WDPCP: variants seen among roughly 807,000 people sequenced by gnomAD.
The protein encoded by WDPCP is WD repeat containing planar cell polarity effector.
A neutral mutation model predicts 93.1 loss-of-function variants in WDPCP; 71 were observed. That is an observed-to-expected ratio of 0.76 (90% confidence interval 0.63 to 0.93). The LOEUF (loss-of-function observed/expected upper bound fraction) is 0.93. Among genes scored for constraint, WDPCP ranks in the 40% least tolerant of loss-of-function variants. The probability of loss-of-function intolerance (pLI) is 0.00; values close to 1 mark genes in which losing one functional copy is unlikely to be tolerated. For missense variants in WDPCP, 844 were observed against 887.4 expected (o/e 0.95, Z 0.62); for synonymous variants, 315 against 315.0 (o/e 1.00, Z 0.00).
intron 6 of WDPCP, among the ~76,000 whole-genome samples, chr2:63,445,507 T>G (rs1697795891): frequency 6.6e-6 from 1 of 152,178 alleles, no homozygotes; most frequent in African/African-American, 2.4e-5. Flanking sequence ...TCCTGCTAAC[T>G]ATATTTCCAT....
intron 2 of WDPCP, among the ~76,000 whole-genome samples, chr2:63,791,936 G>A (rs1670551410): frequency 6.6e-6 from 1 of 152,074 alleles, no homozygotes; most frequent in Admixed American, 6.6e-5. Flanking sequence ...GCATGTAAAC[G>A]CTGCTTAAAT....
At chr2:63,360,566 G>A (rs970863497) in intron 12 of WDPCP, among the ~76,000 whole-genome samples, 1 of 152,088 alleles carries the variant, frequency 6.6e-6, no homozygotes, top group African/African-American at 2.4e-5. Context: ...TTCCTCCCAA[G>A]GAAAATCTTT....
chr2:63,368,496 T>C (rs944725881), intron 12 of WDPCP, among the ~76,000 whole-genome samples: 1 of 151,974 alleles, frequency 6.6e-6, no homozygotes. Flanking sequence ...TGGCTAATTT[T>C]TGTATTTTTA....
intron 1 of WDPCP, among the ~76,000 whole-genome samples, chr2:63,586,005 T>A (rs1708825350): frequency 6.6e-6 from 1 of 152,060 alleles, no homozygotes; most frequent in African/African-American, 2.4e-5. Flanking sequence ...TTTTTAAAAA[T>A]TTTTTGTAGA....
intron 3 of WDPCP, among the ~76,000 whole-genome samples, chr2:63,648,017 A>T (rs2106634615): frequency 6.6e-6 from 1 of 152,250 alleles, no homozygotes; most frequent in Non-Finnish European, 1.5e-5. Flanking sequence ...CCTTCCAAAA[A>T]CCTCCCTTAC....
At chr2:63,325,325 T>C (rs1687448954) in intron 12 of WDPCP, among the ~76,000 whole-genome samples, 1 of 152,160 alleles carries the variant, frequency 6.6e-6, no homozygotes, top group African/African-American at 2.4e-5. Flanking sequence ...CCATGTCCGC[T>C]ATGCTGAGGC....
At chr2:63,122,077 A>G in intron 17 of WDPCP, 21 bp from the exon 18 acceptor site, 1 of 1,571,048 alleles carries the variant, frequency 6.4e-7, no homozygotes, top group Non-Finnish European at 8.8e-7. Flanking sequence ...ACAAATAAAA[A>G]TAATGTTTAA....
intron 10 of WDPCP, among the ~76,000 whole-genome samples, chr2:63,400,208 T>C (rs556883902): frequency 1.3e-5 from 2 of 152,334 alleles, no homozygotes; most frequent in African/African-American, 4.8e-5. Context: ...CAGCTAGTAA[T>C]GCAAAGCTAC....
the WDPCP span, among the ~76,000 whole-genome samples, chr2:63,837,760 A>G: frequency 6.6e-6 from 1 of 152,246 alleles, no homozygotes; most frequent in South Asian, 2.1e-4. Flanking sequence ...TGAAACTTAA[A>G]AAACGTTATC....
At chr2:63,476,548 T>A (rs1699984384) in intron 6 of WDPCP, among the ~76,000 whole-genome samples, 1 of 152,186 alleles carries the variant, frequency 6.6e-6, no homozygotes, top group Admixed American at 6.6e-5. Flanking sequence ...TGTCATACAA[T>A]TTGGCACTCA....
chr2:63,328,441 G>T (rs967293667), intron 12 of WDPCP, among the ~76,000 whole-genome samples: 1 of 152,092 alleles, frequency 6.6e-6, no homozygotes, highest in Non-Finnish European at 1.5e-5. Flanking sequence ...CCTGAAGTCC[G>T]CGAGACCACA....
intron 17 of WDPCP, among the ~76,000 whole-genome samples, chr2:63,139,165 G>C (rs559984097): frequency 1.9e-4 from 14 of 75,612 alleles, no homozygotes; most frequent in African/African-American, 6.3e-4. Flanking sequence ...ATGTATATAT[G>C]TGTATACACA....
intron 17 of WDPCP, among the ~76,000 whole-genome samples, chr2:63,140,592 G>A (rs893935158): frequency 6.6e-6 from 1 of 150,864 alleles, no homozygotes; most frequent in African/African-American, 2.4e-5. Flanking sequence ...AAGGGGTTGA[G>A]TTCTTGATCT....
chr2:63,831,459 T>C (rs1240177156), upstream of WDPCP, among the ~76,000 whole-genome samples: 2 of 152,176 alleles, frequency 1.3e-5, no homozygotes, highest in Non-Finnish European at 2.9e-5. Context: ...GCTGAACTTT[T>C]TTCCACTTGA....
intron 10 of WDPCP, among the ~76,000 whole-genome samples, chr2:63,386,773 C>A (rs1000740085): frequency 2.0e-5 from 3 of 151,782 alleles, no homozygotes; most frequent in Admixed American, 6.6e-5. Flanking sequence ...AATCTGGAAA[C>A]AAACCAAACG....
chr2:63,583,254 A>T (rs1708611177), intron 1 of WDPCP, among the ~76,000 whole-genome samples: 1 of 152,252 alleles, frequency 6.6e-6, no homozygotes, highest in African/African-American at 2.4e-5. Flanking sequence ...ACTGTCAATA[A>T]GCCAATAAAG....
chr2:63,251,693 G>T (rs890157670), intron 14 of WDPCP, among the ~76,000 whole-genome samples: 1 of 151,372 alleles, frequency 6.6e-6, no homozygotes, highest in African/African-American at 2.4e-5. Context: ...GGGTTTCACC[G>T]TGTTAGCCAG....
chr2:63,344,039 T>A (rs1056389893), intron 12 of WDPCP, among the ~76,000 whole-genome samples: 1 of 152,132 alleles, frequency 6.6e-6, no homozygotes, highest in Admixed American at 6.6e-5. Flanking sequence ...AGGGATACGT[T>A]CTATTTTTTT....
chr2:63,605,484 C>A, intron 3 of WDPCP: 1 of 932,144 alleles, frequency 1.1e-6, no homozygotes, highest in Non-Finnish European at 1.7e-6. Context: ...AGCAGTCAGT[C>A]AGGTTAGGTT....
Sources: allele counts gnomAD v4.1 joint callset (sites outside exome capture counted in the v4.1 genomes callset), GRCh38; gene constraint gnomAD v4.1.1; transcripts MANE v1.5; gene names NCBI Gene and HGNC (gene_info 2026-07-23, HGNC 2026-07-21).